Variants in SFTPD observed in about 807,000 individuals in gnomAD.
SFTPD encodes the protein pulmonary surfactant-associated protein D.
A neutral mutation model predicts 34.6 loss-of-function variants in SFTPD; 18 were observed. The observed-to-expected ratio is 0.52, with a 90% CI of 0.36 to 0.77. SFTPD has a LOEUF of 0.77. Among genes scored for constraint, SFTPD ranks in the 30% least tolerant of loss-of-function variants. The probability of loss-of-function intolerance (pLI) is 0.00; values close to 1 mark genes in which losing one functional copy is unlikely to be tolerated. For synonymous variants in SFTPD, 155 were observed against 180.9 expected (o/e 0.86, Z 1.15); for missense variants, 433 against 468.9 (o/e 0.92, Z 0.71).
chr10:79,969,563 T>C (rs2132520852), intron 1 of SFTPD: 1 of 152,342 alleles, frequency 6.6e-6, no homozygotes, highest in East Asian at 1.9e-4. Context: ...ACAACACTTA[T>C]TATCCTTTGT....
At position 79,942,469 on chromosome 10, in the gene SFTPD, C is replaced by T. The variant is rs1431722690; in HGVS notation, c.352G>A (p.Gly118Arg). 1 of 1,613,574 alleles carries T rather than the reference C, an allele frequency of 6.2e-7. No homozygotes were observed. Among genetic ancestry groups the T allele is most frequent in the Non-Finnish European group, 8.5e-7 (1 of 1,179,560 alleles). ...TGCTTCCCCAGGGGACCTTCTCTTC[C>T]AGCTGGACCAGGCACACCGGGAGGT... Reference protein sequence around the residue: ...PGPPGVPGPAGREGPLGKQGN... With the variant: ...PGPPGVPGPARREGPLGKQGN... Residue 118 changes from glycine to arginine, a missense_variant, in exon 4 of 8, where the codon GGA (glycine) becomes AGA (arginine). Transcript: ENST00000372292.
chr10:79,970,777 T>C (rs1266210668), intron 1 of SFTPD: 1 of 152,194 alleles, frequency 6.6e-6, no homozygotes, highest in African/African-American at 2.4e-5. Context: ...TTCTTTAGGT[T>C]TTTCTATTTA....
chr10:79,967,760 A>T (rs1409771591), intron 1 of SFTPD, among the ~76,000 whole-genome samples: 2 of 152,060 alleles, frequency 1.3e-5, no homozygotes, highest in Non-Finnish European at 2.9e-5. Context: ...GAAGTAACTG[A>T]AGAATCACAA....
chr10:79,959,791 T>C (rs1842761678), intron 1 of SFTPD, among the ~76,000 whole-genome samples: 3 of 152,110 alleles, frequency 2.0e-5, no homozygotes, highest in Admixed American at 1.3e-4. Flanking sequence ...CCTAACTCAT[T>C]TTATGAGGCC....
Position 79,938,136 on chromosome 10 carries a change from T to A in SFTPD, c.844A>T (p.Thr282Ser). 6.2e-7 allele frequency: 1 copy of A among 1,613,694 alleles called. No individual in the cohort carries two copies. Among genetic ancestry groups the A allele is most frequent in the East Asian group, 2.2e-5 (1 of 44,850 alleles). Residue 282 changes from threonine to serine, a missense_variant, in exon 8 of 8, where the codon ACA becomes TCA. Physicochemically the swap from Thr to Ser is moderately conservative, Grantham distance 58. Transcript: ENST00000372292. Reference protein sequence around the residue: ...KPFTEAQLLCTQAGGQLASPR... With the variant: ...KPFTEAQLLCSQAGGQLASPR... The stretch of plus-strand genomic sequence containing the variant: ...GAGGCCAACTGTCCACCAGCCTGTG[T>A]GCACAGCAGCTGTGCCTCCGTAAAT...
At chr10:79,982,014 C>T (rs1402246562) in intron 1 of SFTPD, 1 of 290,472 alleles carries the variant, frequency 3.4e-6, no homozygotes, top group Non-Finnish European at 6.4e-6. Context: ...CCAGGAAGAG[C>T]GCGCCGGGCG....
chr10:79,948,262 C>G (rs951941995), intron 1 of SFTPD, among the ~76,000 whole-genome samples: 3 of 152,236 alleles, frequency 2.0e-5, no homozygotes, highest in Admixed American at 6.5e-5. Flanking sequence ...TGCCCCGCAG[C>G]TCCCTCACCC....
chr10:79,973,703 T>G (rs1400291184), intron 1 of SFTPD, among the ~76,000 whole-genome samples: 1 of 152,194 alleles, frequency 6.6e-6, no homozygotes, highest in African/African-American at 2.4e-5. Flanking sequence ...TCCCATCTTT[T>G]TTACAATTCC....
Position 79,976,306 on chromosome 10 carries a change from G to T in SFTPD, c.36+6269C>A, listed in dbSNP as rs540392184. On this transcript the variant is annotated intron_variant, in intron 1 of 5. Transcript: ENST00000444384. ...GGAGTTCAGCTGGTTTTGTGGTCCTGGTCAGCCAGCCCAAAGAAGCCTGAG... is the reference window on the plus strand; with the variant it reads ...GGAGTTCAGCTGGTTTTGTGGTCCTTGTCAGCCAGCCCAAAGAAGCCTGAG... Among the ~76,000 whole-genome samples, 154 of 152,274 alleles carry T rather than the reference G, an allele frequency of 1.0e-3. No individual in the cohort carries two copies. In the Middle Eastern group the frequency reaches 0.024, roughly 24 times the overall value.
At chr10:79,958,531 T>C (rs1450599937) in intron 1 of SFTPD, among the ~76,000 whole-genome samples, 1 of 151,856 alleles carries the variant, frequency 6.6e-6, no homozygotes, top group East Asian at 1.9e-4. Flanking sequence ...CCAACAAAGA[T>C]CAAAAGAGAC....
rs190015172 is a variant in SFTPD at position 79,957,726 on chromosome 10, G to T, written c.37-11064C>A. Among the ~76,000 whole-genome samples the T allele has an allele frequency of 4.4e-3, 673 of 152,318 alleles. 7 individuals carry two copies. Among genetic ancestry groups the T allele is most frequent in the African/African-American group, 0.015 (640 of 41,566 alleles). ...ATGGAACCAAGCTGGAAAACACTCT[G>T]CAGGATATTATCCAGGAGAACTTCC... is the stretch of plus-strand genomic sequence containing the variant. On this transcript the variant is annotated intron_variant, in intron 1 of 5. Transcript: ENST00000444384.
At chr10:79,962,225 A>G (rs922294312) in intron 1 of SFTPD, among the ~76,000 whole-genome samples, 2 of 151,024 alleles carry the variant, frequency 1.3e-5, no homozygotes, top group Admixed American at 6.6e-5. Context: ...CAGCACACCA[A>G]CATGGCACAT....
At position 79,956,917 on chromosome 10, in the gene SFTPD, A is replaced by G. The variant is rs185157688; in HGVS notation, c.37-10255T>C. ...GGCACCCCCCAGTAGGGACAGACTGACACCTCACACGGCCGGGTACTCCTC... is the reference window on the plus strand; with the variant it reads ...GGCACCCCCCAGTAGGGACAGACTGGCACCTCACACGGCCGGGTACTCCTC... On this transcript the variant is annotated intron_variant, in intron 1 of 5. Coordinates refer to the SFTPD transcript ENST00000444384. 1.8e-4 allele frequency among the ~76,000 whole-genome samples: 27 copies of G among 152,264 alleles called. No homozygotes were observed. The East Asian group carries it at 5.2e-3, about 29-fold the overall frequency.
chr10:79,966,569 C>A (rs1465766663), intron 1 of SFTPD, among the ~76,000 whole-genome samples: 2 of 145,336 alleles, frequency 1.4e-5, no homozygotes, highest in Non-Finnish European at 3.0e-5. Flanking sequence ...TTTTGCCGTG[C>A]AGAAGCTCTT....
At chr10:79,974,200 C>T (rs554157817) in intron 1 of SFTPD, among the ~76,000 whole-genome samples, 6 of 152,006 alleles carry the variant, frequency 3.9e-5, no homozygotes, top group Admixed American at 2.6e-4. Context: ...CAGAGTCTTG[C>T]GCTGTTGCCC....
intron 1 of SFTPD, among the ~76,000 whole-genome samples, chr10:79,975,345 T>C (rs551694778): frequency 6.6e-6 from 1 of 152,300 alleles, no homozygotes; most frequent in South Asian, 2.1e-4. Context: ...TCTGTTACTT[T>C]GTTATACTCT....
intron 1 of SFTPD, among the ~76,000 whole-genome samples, chr10:79,948,485 C>G (rs540634418): frequency 6.6e-6 from 1 of 152,292 alleles, no homozygotes; most frequent in South Asian, 2.1e-4. Flanking sequence ...TCAACCCCTG[C>G]AGTGCCCAGT....
chr10:79,942,018 T>G lies in SFTPD; in HGVS notation c.486A>C (p.Ala162=). The part of the protein sequence containing the change: ...MQGSAGARGL[A]GPKGERGVPG... ...GGACACCTCGCTCTCCCTTAGGGCC[T>G]GCGAGGCCTCTTGCCCCTGCCGAGC... The change falls in exon 5 of 8, where the codon GCA becomes GCC. Residue 162 remains alanine, a synonymous_variant. Transcript: ENST00000372292. 1 of 1,614,034 alleles carries G rather than the reference T, an allele frequency of 6.2e-7. No individual in the cohort carries two copies. The highest frequency in any genetic ancestry group is 8.5e-7 in the Non-Finnish European group (1 of 1,179,962).
rs560535367 is a variant in SFTPD at position 79,966,930 on chromosome 10, T to C, written c.36+15645A>G. On this transcript the variant is annotated intron_variant, in intron 1 of 5. Coordinates refer to the SFTPD transcript ENST00000444384. The stretch of plus-strand genomic sequence containing the variant: ...CCTCTCTCACTGCTCCTATTCAACA[T>C]AGTGTTGGACGTTCTGGCCAGGGCA... 3.5e-4 allele frequency among the ~76,000 whole-genome samples: 52 copies of C among 147,502 alleles called. 2 individuals are homozygous for C. In the South Asian group the frequency reaches 3.8e-3, roughly 11 times the overall value.
Sources: allele counts gnomAD v4.1 joint callset (sites outside exome capture counted in the v4.1 genomes callset), GRCh38; gene constraint gnomAD v4.1.1; transcripts MANE v1.5; gene names NCBI Gene and HGNC (gene_info 2026-07-23, HGNC 2026-07-21).